UPF1: variants seen among roughly 807,000 people sequenced by gnomAD.
The protein encoded by UPF1 is UPF1 RNA helicase and ATPase.
UPF1 carries 9 observed loss-of-function variants against 129.2 expected under a neutral mutation model. The ratio of observed to expected loss-of-function variants is 0.07; its 90% CI spans 0.04 to 0.12. The LOEUF (loss-of-function observed/expected upper bound fraction) is 0.12, where lower values mean the gene tolerates loss of function less well. Ranked by LOEUF, UPF1 falls within the 10% of genes least tolerant of loss-of-function variation. UPF1 has a pLI of 1.00. For synonymous variants in UPF1, 649 were observed against 644.9 expected (o/e 1.01, Z -0.10); for missense variants, 788 against 1,525.3 (o/e 0.52, Z 8.05).
In UPF1 at chr19:18,866,316, C is replaced by CCCAA. The variant is rs1031438892; in HGVS notation, c.*3+151_*3+152insCAAC. On this transcript the variant is annotated intron_variant, in intron 23 of 23. Coordinates refer to ENST00000262803, the MANE Select transcript of UPF1 (RefSeq NM_002911.4). ...TCATAGGCCCTCAGGGCCAGCTTGG[C>CCCAA]CTGTGCCCTTCACTGCTAGTCAGGG... 1.6e-5 allele frequency: 21 copies of CCCAA among 1,276,322 alleles called. No homozygotes were observed. The Admixed American group carries it at 6.3e-4, about 38-fold the overall frequency. 79.1% of individuals were successfully genotyped at this position (1,276,322 alleles called of 1,614,324 possible).
Position 18,841,554 on chromosome 19 carries a change from C to T in UPF1, c.232-4426C>T, listed in dbSNP as rs180716176. 5.3e-5 allele frequency among the ~76,000 whole-genome samples: 8 copies of T among 152,344 alleles called. No individual in the cohort carries two copies. The East Asian group carries it at 9.6e-4, about 18-fold the overall frequency. On this transcript the variant is annotated intron_variant, in intron 1 of 23. Transcript: ENST00000262803. ...AGATGATGGCTGTCTCTGGGCCCTGCGTTCCGAGCGGCCTCTCCCGCTGCT... is the reference window on the plus strand; with the variant it reads ...AGATGATGGCTGTCTCTGGGCCCTGTGTTCCGAGCGGCCTCTCCCGCTGCT...
In UPF1 at chr19:18,856,231, G is replaced by C; in HGVS notation, c.1755G>C (p.Gly585=). The C allele has an allele frequency of 6.2e-7, 1 of 1,610,960 alleles. No individual in the cohort carries two copies. ...QKLQQLKDET[G]ELSSADEKRY... ...TGCAGCAGCTGAAAGACGAGACTGG[G>C]GAGCTGTCGTCTGCCGACGAGAAGC... The change falls in exon 13 of 24, where the codon GGG becomes GGC. Residue 585 remains glycine (G), a synonymous_variant. Transcript: ENST00000262803.
chr19:18,847,595 G>C (rs1265104675), intron 2 of UPF1, 149 bp from the exon 3 acceptor site: 1 of 710,270 alleles, frequency 1.4e-6, no homozygotes, highest in East Asian at 2.7e-5. Flanking sequence ...TGGTTAACTG[G>C]TTTGATTTGG....
rs1244890572 is a variant in UPF1 at position 18,851,931 on chromosome 19, G to A, written c.811-204G>A. Among the ~76,000 whole-genome samples the A allele has an allele frequency of 6.6e-6, 1 of 152,236 alleles. No individual in the cohort carries two copies. The highest frequency in any genetic ancestry group is 1.9e-4 in the East Asian group (1 of 5,192). ...AGGCCCAGGCATGGGCCAGGCCGGT[G>A]TGCAGCTCCCTGTGTGGCATGGAGT... is the stretch of plus-strand genomic sequence containing the variant. On this transcript the variant is annotated intron_variant, in intron 5 of 23. Transcript: ENST00000262803. The surrounding 1 kb of genome is among the most constrained non-coding windows in gnomAD (Gnocchi z 4.2).
At chr19:18,860,116 CGGT>C (rs1012467672) in intron 15 of UPF1, 5 of 612,944 alleles carry the variant, frequency 8.2e-6, no homozygotes, top group African/African-American at 7.4e-5. Context: ...ATGGTGCTCT[CGGT>C]GGCCTCTCCT....
At chr19:18,858,020 G>A (rs1240479548) in intron 15 of UPF1, among the ~76,000 whole-genome samples, 1 of 152,186 alleles carries the variant, frequency 6.6e-6, no homozygotes, top group Non-Finnish European at 1.5e-5. Context: ...AGTCAGCCCA[G>A]AGCAGCCAGA....
At chr19:18,861,174 T>G (rs573002831) in intron 17 of UPF1, among the ~76,000 whole-genome samples, 192 bp downstream of exon 17, 27 of 152,216 alleles carry the variant, frequency 1.8e-4, no homozygotes, top group Admixed American at 1.6e-3. Flanking sequence ...TTCCACATGA[T>G]CAGGACAGAG....
chr19:18,857,555 C>T (rs1258045840), intron 15 of UPF1, 22 bp downstream of exon 15: 2 of 1,582,266 alleles, frequency 1.3e-6, no homozygotes, highest in Non-Finnish European at 8.6e-7. Flanking sequence ...CTGCCCAGGG[C>T]AGGGGCTTCT....
rs549721416 is a variant in UPF1 at position 18,868,086 on chromosome 19, C to CT, written c.*1570dup. 124 of 161,028 alleles carry CT rather than the reference C, an allele frequency of 7.7e-4. 1 individual carries two copies. The South Asian group carries it at 0.022, about 28-fold the overall frequency. 10.0% of individuals were successfully genotyped at this position (161,028 alleles called of 1,614,324 possible). On this transcript the variant is annotated 3_prime_UTR_variant, in exon 24 of 24. Transcript: ENST00000262803. ...GCTGTTGGGCTGGGCCGCTTTGCCT[C>CT]TGCTTCGCCCTGTGCTGTGTTCTCC...
At chr19:18,854,737 G>C in intron 9 of UPF1, 28 bp downstream of exon 9, 1 of 1,609,946 alleles carries the variant, frequency 6.2e-7, no homozygotes, top group Non-Finnish European at 8.5e-7. Flanking sequence ...ACTGCCCCCT[G>C]TTCCCTGGTT....
rs1341204866 is a variant in UPF1, at chr19:18,867,491, C to T, written c.*974C>T. ...CTGTTCCCGGATTGACGGCTTTTTC[C>T]CGGGGGCCTTTGGAAGATTTGGTGG... On this transcript the variant is annotated 3_prime_UTR_variant, in exon 24 of 24. Coordinates refer to ENST00000262803, the MANE Select transcript of UPF1 (RefSeq NM_002911.4). The T allele has an allele frequency of 1.3e-5, 2 of 152,476 alleles. No individual in the cohort carries two copies. Among genetic ancestry groups the T allele is most frequent in the African/African-American group, 2.4e-5 (1 of 41,472 alleles). The allele number at this position is 152,476 out of a possible 1,614,324, so 9.4% of individuals were successfully genotyped here.
intron 8 of UPF1, among the ~76,000 whole-genome samples, chr19:18,854,038 G>T (rs982351933): frequency 6.6e-6 from 1 of 152,218 alleles, no homozygotes; most frequent in Non-Finnish European, 1.5e-5. Flanking sequence ...ACGTGAGACC[G>T]GTTTTGGGGC....
At position 18,860,833 on chromosome 19, in the gene UPF1, G is replaced by A; in HGVS notation, c.2308G>A (p.Ala770Thr). The A allele has an allele frequency of 3.1e-6, 5 of 1,612,460 alleles. No homozygotes were observed. Among genetic ancestry groups the A allele is most frequent in the Non-Finnish European group, 4.2e-6 (5 of 1,179,690 alleles). Residue 770 changes from alanine to threonine, a missense_variant, in exon 17 of 24, where the codon GCT becomes ACT. Ala to Thr is a moderately conservative substitution (Grantham distance 58, BLOSUM62 0). Coordinates refer to ENST00000262803, the MANE Select transcript of UPF1 (RefSeq NM_002911.4). The stretch of plus-strand genomic sequence containing the variant: ...ACAGCCTGGGTTTCTTAGGACCGAG[G>A]CTGCGAACGTGGAGAAGATCACCAC... ...SGTSYLNRTE[A>T]ANVEKITTKL...
intron 8 of UPF1, among the ~76,000 whole-genome samples, chr19:18,854,390 G>A (rs1035151437): frequency 2.6e-5 from 4 of 152,244 alleles, no homozygotes; most frequent in Non-Finnish European, 4.4e-5. Context: ...GTGGGACACC[G>A]GCTCATGGTG....
chr19:18,837,813 A>G (rs1452957210), intron 1 of UPF1, among the ~76,000 whole-genome samples: 3 of 152,090 alleles, frequency 2.0e-5, no homozygotes, highest in Non-Finnish European at 4.4e-5. Context: ...CTGAATAGTC[A>G]TCTCGTACTG....
Position 18,848,160 on chromosome 19 carries a change from G to GTAA in UPF1, c.461+328_461+330dup, listed in dbSNP as rs1262721010. The GTAA allele has an allele frequency of 2.4e-5, 7 of 287,888 alleles. No homozygotes were observed. The East Asian group carries it at 6.1e-4, about 25-fold the overall frequency. The allele number at this position is 287,888 out of a possible 1,614,324, so 17.8% of individuals were successfully genotyped here. ...TTAACGGGAGGATGTTCCCAAGGCAGTAACGGGCATCCAGGGGCGCTGGTT... is the reference window on the plus strand; with the variant it reads ...TTAACGGGAGGATGTTCCCAAGGCAGTAATAACGGGCATCCAGGGGCGCTGGTT... On this transcript the variant is annotated intron_variant, in intron 3 of 23. Coordinates refer to ENST00000262803, the MANE Select transcript of UPF1 (RefSeq NM_002911.4).
rs550383532 is a variant in UPF1, at chr19:18,851,003, C to T, written c.810+135C>T. The T allele has an allele frequency of 2.4e-5, 28 of 1,157,118 alleles. No individual in the cohort carries two copies. The highest frequency in any genetic ancestry group is 3.3e-5 in the Admixed American group (1 of 30,532). 71.7% of individuals were successfully genotyped at this position (1,157,118 alleles called of 1,614,324 possible). A position where few individuals can be genotyped will look rare whatever the true frequency, so the allele number is the denominator to read the frequency against. ...AAGGAATTCAGGCAGACCTCTGCCACCTCTACGTGGAATGACCTCAGGGCA... is the reference window on the plus strand; with the variant it reads ...AAGGAATTCAGGCAGACCTCTGCCATCTCTACGTGGAATGACCTCAGGGCA... On this transcript the variant is annotated intron_variant, in intron 5 of 23. Transcript: ENST00000262803. This position sits in a 1 kb window ranked among gnomAD's most constrained non-coding sequence, Gnocchi z 4.2.
At chr19:18,835,744 G>A (rs2055477082) in intron 1 of UPF1, among the ~76,000 whole-genome samples, 1 of 152,184 alleles carries the variant, frequency 6.6e-6, no homozygotes, top group Non-Finnish European at 1.5e-5. Context: ...GGACATTTGG[G>A]TTGTTTCCAC....
intron 1 of UPF1, among the ~76,000 whole-genome samples, chr19:18,839,060 T>G (rs2055513364): frequency 6.6e-6 from 1 of 152,080 alleles, no homozygotes; most frequent in Non-Finnish European, 1.5e-5. Context: ...TTTCTCTCAT[T>G]GCTTGATTGA....
Sources: gnomAD v4.1 joint callset for allele counts (sites outside exome capture counted in the v4.1 genomes callset) on GRCh38, gnomAD v4.1.1 for gene constraint, Gnocchi (gnomAD v3.1) non-coding constraint, MANE v1.5 for transcripts, NCBI Gene and HGNC (gene_info 2026-07-23, HGNC 2026-07-21) for gene names.